The following CATSPERB variants were observed in gnomAD, a reference collection of about 807,000 sequenced individuals.
The protein encoded by CATSPERB is catsper channel auxiliary subunit beta, also known as cation channel sperm-associated auxiliary subunit beta.
In CATSPERB, 93 loss-of-function variants were observed where a neutral mutation model predicts 128.3. The observed-to-expected ratio is 0.72, with a 90% CI of 0.61 to 0.86. CATSPERB has a LOEUF of 0.86. Among genes scored for constraint, CATSPERB ranks in the 40% least tolerant of loss-of-function variants. The probability of loss-of-function intolerance (pLI) is 0.00; values close to 1 mark genes in which losing one functional copy is unlikely to be tolerated. For synonymous variants in CATSPERB, 381 were observed against 448.8 expected, an observed-to-expected ratio of 0.85 and a Z score of 1.91; for missense variants, 1,153 against 1,329.5, an observed-to-expected ratio of 0.87 and a Z score of 2.06.
intron 4 of CATSPERB, among the ~76,000 whole-genome samples, chr14:91,720,777 A>T (rs1896014466): frequency 6.6e-6 from 1 of 152,192 alleles, no homozygotes; most frequent in South Asian, 2.1e-4. Flanking sequence ...TAGCAAAAAT[A>T]ATCTTGAAAA....
At chr14:91,710,654 A>G (rs552012533) in intron 5 of CATSPERB, 2 of 152,344 alleles carry the variant, frequency 1.3e-5, no homozygotes, top group South Asian at 2.1e-4. Context: ...CTAGTCCTCT[A>G]TGTGAAGAAA....
chr14:91,590,085 C>T (rs937159202), intron 23 of CATSPERB, among the ~76,000 whole-genome samples: 4 of 152,124 alleles, frequency 2.6e-5, no homozygotes, highest in Non-Finnish European at 4.4e-5. Context: ...GTTAATAATG[C>T]GATCTTTGAC....
chr14:91,719,984 C>A (rs1896002439), intron 4 of CATSPERB, among the ~76,000 whole-genome samples: 1 of 152,124 alleles, frequency 6.6e-6, no homozygotes, highest in Non-Finnish European at 1.5e-5. Flanking sequence ...ACTAGCAGTG[C>A]AAGCTAAAAG....
At chr14:91,686,763 G>A (rs923872373) in intron 10 of CATSPERB, among the ~76,000 whole-genome samples, 1 of 152,102 alleles carries the variant, frequency 6.6e-6, no homozygotes, top group South Asian at 2.1e-4. Context: ...AGGATGTATT[G>A]TATCTATATG....
chr14:91,677,421 T>C (rs1354811283), intron 11 of CATSPERB, among the ~76,000 whole-genome samples: 2 of 151,996 alleles, frequency 1.3e-5, no homozygotes, highest in African/African-American at 4.8e-5. Flanking sequence ...CTTCTCAAAA[T>C]AAGACATTTA....
At chr14:91,622,928 C>T (rs1894080743) in intron 18 of CATSPERB, among the ~76,000 whole-genome samples, 2 of 133,914 alleles carry the variant, frequency 1.5e-5, no homozygotes, top group Non-Finnish European at 3.1e-5. Flanking sequence ...GAGTTTCGCT[C>T]TTGTCACCCA....
chr14:91,701,826 G>T (rs759763798), intron 7 of CATSPERB, among the ~76,000 whole-genome samples: 1 of 151,526 alleles, frequency 6.6e-6, no homozygotes, highest in Admixed American at 6.6e-5. Flanking sequence ...TAGGAGGATT[G>T]CTTGAGCCTA....
chr14:91,586,613 T>C (rs148281222), intron 26 of CATSPERB, among the ~76,000 whole-genome samples: 1 of 143,436 alleles, frequency 7.0e-6, no homozygotes, highest in African/African-American at 2.6e-5. Flanking sequence ...TAATGTAACA[T>C]CAGCATTTGA....
chr14:91,716,397 C>T (rs896233414), intron 5 of CATSPERB, among the ~76,000 whole-genome samples: 2 of 152,020 alleles, frequency 1.3e-5, no homozygotes, highest in Non-Finnish European at 2.9e-5. Context: ...CTCAACATGG[C>T]GAAACCCTGT....
intron 7 of CATSPERB, among the ~76,000 whole-genome samples, chr14:91,693,782 T>TCTATGC (rs1895512288): frequency 6.6e-6 from 1 of 152,178 alleles, no homozygotes; most frequent in South Asian, 2.1e-4. Context: ...TAGAAGGGCA[T>TCTATGC]CAGAATATGC....
intron 2 of CATSPERB, 34 bp downstream of exon 2, chr14:91,729,367 A>C (rs1382586457): frequency 1.0e-6 from 1 of 984,360 alleles, no homozygotes; most frequent in Non-Finnish European, 1.5e-6. Context: ...AACTCCTGAG[A>C]AGGAAATAGA....
At chr14:91,586,571 A>AGAGAGAAAGAGAGAGAGAGAGAG (rs374162982) in intron 26 of CATSPERB, among the ~76,000 whole-genome samples, 2 of 114,190 alleles carry the variant, frequency 1.8e-5, no homozygotes, top group African/African-American at 7.2e-5. Context: ...GAGAGAGAGA[A>AGAGAGAAAGAGAGAGAGAGAGAG]AGAGAGAGAG....
intron 7 of CATSPERB, among the ~76,000 whole-genome samples, chr14:91,696,853 T>C (rs1895572036): frequency 6.6e-6 from 1 of 152,166 alleles, no homozygotes; most frequent in Non-Finnish European, 1.5e-5. Flanking sequence ...TTTCTTACAG[T>C]GCAACAGGCA....
intron 15 of CATSPERB, among the ~76,000 whole-genome samples, chr14:91,657,782 G>A (rs1387835662): frequency 2.0e-5 from 3 of 152,100 alleles, no homozygotes; most frequent in Admixed American, 6.5e-5. Flanking sequence ...CAACATCACT[G>A]ACCATCGGTG....
At chr14:91,632,782 G>T (rs1894301439) in intron 17 of CATSPERB, among the ~76,000 whole-genome samples, 1 of 150,606 alleles carries the variant, frequency 6.6e-6, no homozygotes, top group Non-Finnish European at 1.5e-5. Context: ...CAAAATATCT[G>T]CTCTAGCCCA....
At position 91,617,630 on chromosome 14, in the gene CATSPERB, T is replaced by C. The variant is rs375365500; in HGVS notation, c.2367A>G (p.Ile789Met). The C allele has an allele frequency of 3.8e-6, 6 of 1,587,672 alleles. No individual in the cohort carries two copies. Among genetic ancestry groups the C allele is most frequent in the Non-Finnish European group, 5.1e-6 (6 of 1,172,796 alleles). ...AAACTTTGCTAGCTGCAGAAATTGT[T>C]ATTACATAACTGTCAGTATCATCAA... ...VTFDDTDSYV[I>M]TISAASKVLH... The change falls in exon 20 of 27, where the codon ATA (isoleucine) becomes ATG (methionine). Residue 789 changes from isoleucine (I) to methionine (M), a missense_variant. Transcript: ENST00000256343.
intron 26 of CATSPERB, among the ~76,000 whole-genome samples, chr14:91,583,734 A>G (rs78164464): frequency 0.03 from 4,522 of 152,318 alleles, 212 homozygotes; most frequent in African/African-American, 0.1. Context: ...ATCAAAGTCA[A>G]GAAATTAACA....
At position 91,715,483 on chromosome 14, in the gene CATSPERB, C is replaced by T. The variant is rs150850669; in HGVS notation, c.370+3935G>A. Among the ~76,000 whole-genome samples, 415 of 133,592 alleles carry T rather than the reference C, an allele frequency of 3.1e-3. 2 individuals carry two copies. The highest frequency in any genetic ancestry group is 0.011 in the African/African-American group (384 of 35,222). The allele number at this position is 133,592 out of a possible 152,430, so 87.6% of individuals were successfully genotyped here. ...AGGAGAATCACTTGAACTCGGGAGG[C>T]GGAGGTTGTGGTGAGCCAAGATCAT... On this transcript the variant is annotated intron_variant, in intron 5 of 26. Transcript: ENST00000256343.
chr14:91,631,309 T>C (rs1167734264), intron 17 of CATSPERB, among the ~76,000 whole-genome samples: 1 of 152,244 alleles, frequency 6.6e-6, no homozygotes, highest in African/African-American at 2.4e-5. Context: ...GTGTTGATGA[T>C]ACATTCCTTC....
Sources: gnomAD v4.1 joint callset for allele counts (sites outside exome capture counted in the v4.1 genomes callset) on GRCh38, gnomAD v4.1.1 for gene constraint, MANE v1.5 for transcripts, NCBI Gene and HGNC (gene_info 2026-07-23, HGNC 2026-07-21) for gene names.